The following ERBB4 variants were observed in gnomAD, a reference collection of about 807,000 sequenced individuals.
ERBB4 encodes the protein erb-b2 receptor tyrosine kinase 4.
ERBB4 carries 42 observed loss-of-function variants against 158.0 expected under a neutral mutation model. That is an observed-to-expected ratio of 0.27 (90% CI 0.21 to 0.34). The LOEUF (loss-of-function observed/expected upper bound fraction) is 0.34, where lower values mean the gene tolerates loss of function less well. ERBB4 is among the 10% of genes least tolerant of loss of function. The pLI is 1.00. For synonymous variants in ERBB4, 583 were observed against 558.7 expected, an observed-to-expected ratio of 1.04 and a Z score of -0.61; for missense variants, 1,333 against 1,624.1, an observed-to-expected ratio of 0.82 and a Z score of 3.08.
chr2:211,680,992 C>A (rs1007998304), intron 12 of ERBB4, among the ~76,000 whole-genome samples: 3 of 152,170 alleles, frequency 2.0e-5, no homozygotes, highest in Admixed American at 6.5e-5. Flanking sequence ...TCCTCATGAC[C>A]TTATGTAATC....
intron 1 of ERBB4, among the ~76,000 whole-genome samples, chr2:212,456,531 C>A (rs1312186481): frequency 1.3e-5 from 2 of 151,078 alleles, no homozygotes; most frequent in South Asian, 2.1e-4. Flanking sequence ...TTTATAAATA[C>A]CACAATGCTT....
intron 20 of ERBB4, among the ~76,000 whole-genome samples, chr2:211,499,524 A>AAAAAC (rs1361812980): frequency 6.6e-6 from 1 of 152,226 alleles, no homozygotes; most frequent in African/African-American, 2.4e-5. Flanking sequence ...TCTGTCTCAG[A>AAAAAC]AAAACAAAAC....
intron 2 of ERBB4, among the ~76,000 whole-genome samples, chr2:212,019,030 A>G (rs1187207918): frequency 6.6e-6 from 1 of 152,124 alleles, no homozygotes; most frequent in Admixed American, 6.6e-5. Flanking sequence ...ATTCATTGAC[A>G]TATACCAAAC....
At chr2:212,389,263 T>C (rs1367275396) in intron 1 of ERBB4, among the ~76,000 whole-genome samples, 2 of 152,040 alleles carry the variant, frequency 1.3e-5, no homozygotes, top group African/African-American at 4.8e-5. Context: ...GATACATATA[T>C]TGAAAATGAG....
rs202005533 is a variant in ERBB4 at position 211,627,892 on chromosome 2, CATT to C, written c.2079+2567_2079+2569del. ...GAACTCAGTGTAGCAATATAAAAGA[CATT>C]ATAATCATTCATGAGTAATTTACAT... On this transcript the variant is annotated intron_variant, in intron 17 of 27. Coordinates refer to ENST00000342788, the MANE Select transcript of ERBB4 (RefSeq NM_005235.3). 5.5e-3 allele frequency among the ~76,000 whole-genome samples: 833 copies of C among 152,254 alleles called. 3 individuals carry two copies. Among genetic ancestry groups the C allele is most frequent in the Non-Finnish European group, 9.4e-3 (639 of 68,038 alleles).
At chr2:212,031,816 T>C (rs1414201266) in intron 2 of ERBB4, among the ~76,000 whole-genome samples, 1 of 152,132 alleles carries the variant, frequency 6.6e-6, no homozygotes, top group East Asian at 1.9e-4. Flanking sequence ...AGTCATTTTC[T>C]GACACTTTAT....
At chr2:212,157,213 G>C (rs963032452) in intron 1 of ERBB4, among the ~76,000 whole-genome samples, 3 of 151,968 alleles carry the variant, frequency 2.0e-5, no homozygotes, top group African/African-American at 7.2e-5. Flanking sequence ...CTGGGCCATG[G>C]CACATGCTTT....
At chr2:212,056,340 T>C (rs912326818) in intron 2 of ERBB4, among the ~76,000 whole-genome samples, 2 of 152,184 alleles carry the variant, frequency 1.3e-5, no homozygotes, top group African/African-American at 4.8e-5. Context: ...TGGAACCAAG[T>C]TGGAAAACAC....
At chr2:211,620,277 A>C (rs1040143238) in intron 18 of ERBB4, among the ~76,000 whole-genome samples, 2 of 152,194 alleles carry the variant, frequency 1.3e-5, no homozygotes, top group African/African-American at 4.8e-5. Flanking sequence ...ATTTCTTATA[A>C]GATTTTTAAC....
intron 4 of ERBB4, among the ~76,000 whole-genome samples, chr2:211,757,791 T>C (rs79619334): frequency 0.019 from 2,958 of 152,284 alleles, 148 homozygotes; most frequent in East Asian, 0.15. Context: ...CTTTGCAAAT[T>C]TGTATTTTTC....
intron 4 of ERBB4, among the ~76,000 whole-genome samples, chr2:211,769,268 T>C (rs1186386623): frequency 3.3e-5 from 5 of 152,208 alleles, no homozygotes; most frequent in Admixed American, 3.3e-4. Context: ...CATATCACTA[T>C]CAGCATTTTG....
chr2:211,733,068 GA>G (rs752311882), intron 5 of ERBB4, among the ~76,000 whole-genome samples: 61 of 152,302 alleles, frequency 4.0e-4, no homozygotes, highest in Non-Finnish European at 6.3e-4. Flanking sequence ...GTGACCCACG[GA>G]CTATGACATG....
At chr2:211,397,859 A>G (rs1372602989) in intron 25 of ERBB4, among the ~76,000 whole-genome samples, 2 of 152,304 alleles carry the variant, frequency 1.3e-5, no homozygotes, top group East Asian at 1.9e-4. Context: ...GCCCAGAAAC[A>G]TGCCTTTAGC....
chr2:211,456,484 A>G (rs1254258152), intron 20 of ERBB4, among the ~76,000 whole-genome samples: 1 of 152,112 alleles, frequency 6.6e-6, no homozygotes, highest in African/African-American at 2.4e-5. Context: ...AAATCCAAAT[A>G]CCCACTCATT....
chr2:212,037,779 G>A (rs940475135), intron 2 of ERBB4, among the ~76,000 whole-genome samples: 1 of 152,134 alleles, frequency 6.6e-6, no homozygotes, highest in Non-Finnish European at 1.5e-5. Context: ...TCTAAGGAAC[G>A]TTGTAAATCT....
chr2:211,760,945 C>T (rs1297007960), intron 4 of ERBB4, among the ~76,000 whole-genome samples: 1 of 151,990 alleles, frequency 6.6e-6, no homozygotes, highest in African/African-American at 2.4e-5. Context: ...GTGTCTCACG[C>T]CTATAAGCCC....
chr2:211,599,936 T>G (rs1384625431), intron 19 of ERBB4, among the ~76,000 whole-genome samples: 1 of 152,168 alleles, frequency 6.6e-6, no homozygotes, highest in Admixed American at 6.5e-5. Flanking sequence ...AAACTACCAC[T>G]TCTCAATATG....
At chr2:212,021,634 G>A (rs1322092493) in intron 2 of ERBB4, among the ~76,000 whole-genome samples, 1 of 151,958 alleles carries the variant, frequency 6.6e-6, no homozygotes, top group African/African-American at 2.4e-5. Context: ...AGAAAATCTG[G>A]GCAATACCAT....
intron 20 of ERBB4, among the ~76,000 whole-genome samples, chr2:211,480,635 G>A (rs1233366786): frequency 1.3e-5 from 2 of 152,114 alleles, no homozygotes; most frequent in Non-Finnish European, 2.9e-5. Flanking sequence ...CTTTATAGTG[G>A]CATGAGAACA....
Sources: allele counts gnomAD v4.1 joint callset (sites outside exome capture counted in the v4.1 genomes callset), GRCh38; gene constraint gnomAD v4.1.1; transcripts MANE v1.5; gene names NCBI Gene and HGNC (gene_info 2026-07-23, HGNC 2026-07-21).